THADA: variants seen among roughly 807,000 people sequenced by gnomAD.
The protein encoded by THADA is tRNA (32-2'-O)-methyltransferase regulator THADA.
THADA carries 213 observed loss-of-function variants against 219.8 expected under a neutral mutation model. That is an observed-to-expected ratio of 0.97 (90% CI 0.87 to 1.09). THADA has a LOEUF of 1.09. THADA is among the 50% of genes least tolerant of loss of function. THADA has a pLI of 0.00. For missense variants in THADA, 2,956 were observed against 2,311.3 expected (o/e 1.28, Z -5.72); for synonymous variants, 1,018 against 828.9 (o/e 1.23, Z -3.92).
At chr2:43,472,604 A>T (rs889114246) in intron 26 of THADA, among the ~76,000 whole-genome samples, 9 of 152,232 alleles carry the variant, frequency 5.9e-5, no homozygotes, top group African/African-American at 1.9e-4. Flanking sequence ...AAGGCCAGTG[A>T]CAATGTGTTT....
intron 29 of THADA, chr2:43,370,165 A>C (rs1020760770): frequency 6.6e-6 from 1 of 152,270 alleles, no homozygotes; most frequent in East Asian, 1.9e-4. Context: ...AATGAGGAGA[A>C]TGAGAATGCA....
chr2:43,389,578 A>C (rs1673102296), intron 29 of THADA, among the ~76,000 whole-genome samples: 1 of 152,150 alleles, frequency 6.6e-6, no homozygotes, highest in African/African-American at 2.4e-5. Context: ...ACAGAGCCCA[A>C]ACTGCTTGGC....
intron 30 of THADA, among the ~76,000 whole-genome samples, chr2:43,331,998 G>C (rs1375312687): frequency 1.3e-5 from 2 of 151,068 alleles, no homozygotes; most frequent in Non-Finnish European, 2.9e-5. Flanking sequence ...TTGTGTACTT[G>C]GGCAATGAGA....
Position 43,574,907 on chromosome 2 carries a change from T to G in THADA, c.1158A>C (p.Ser386=), listed in dbSNP as rs769497097. 6.2e-6 allele frequency: 10 copies of G among 1,613,866 alleles called. No individual in the cohort carries two copies. The highest frequency in any genetic ancestry group is 3.3e-5 in the South Asian group (3 of 91,092). ...PSLTDSLNGN[S]SIVGRLLEYV... Reference sequence around the variant, plus strand: ...ATTCCAAAAGTCTCCCAACTATACTTGAATTCCCATTCAGGCTGTCCGTTA... The same window carrying G: ...ATTCCAAAAGTCTCCCAACTATACTGGAATTCCCATTCAGGCTGTCCGTTA... The change falls in exon 11 of 38, where the codon TCA becomes TCC. Residue 386 remains serine, a synonymous_variant. Coordinates refer to ENST00000405975, the MANE Select transcript of THADA (RefSeq NM_022065.5).
intron 25 of THADA, among the ~76,000 whole-genome samples, chr2:43,498,203 G>GA (rs1486627678): frequency 2.6e-5 from 4 of 152,090 alleles, no homozygotes; most frequent in African/African-American, 9.7e-5. Context: ...ACAGAAAGGA[G>GA]AATAGAGGTT....
intron 22 of THADA, among the ~76,000 whole-genome samples, chr2:43,511,434 G>A (rs538597555): frequency 6.6e-6 from 1 of 152,266 alleles, no homozygotes; most frequent in East Asian, 1.9e-4. Context: ...ATCTCACTAT[G>A]CATCACCCTT....
chr2:43,582,848 C>T (rs572061207), intron 7 of THADA, among the ~76,000 whole-genome samples: 4 of 152,184 alleles, frequency 2.6e-5, no homozygotes, highest in South Asian at 2.1e-4. Context: ...AGATTACAGG[C>T]GTGAACAACC....
At chr2:43,427,196 G>C (rs940988195) in intron 28 of THADA, among the ~76,000 whole-genome samples, 2 of 152,172 alleles carry the variant, frequency 1.3e-5, no homozygotes, top group Admixed American at 1.3e-4. Context: ...CTCTTCCAGA[G>C]TGAAGAGGCA....
chr2:43,574,578 T>TAC lies in THADA; in HGVS notation c.1486_1487insGT (p.Asp496GlyfsTer15), dbSNP rs1559002162. The TAC allele has an allele frequency of 1.2e-6, 2 of 1,613,936 alleles. No homozygotes were observed. Among genetic ancestry groups the TAC allele is most frequent in the Non-Finnish European group, 1.7e-6 (2 of 1,179,882 alleles). On this transcript the variant is annotated frameshift_variant, in exon 11 of 38. Transcript: ENST00000405975. LOFTEE classifies it high-confidence loss of function. ...ATTTCTAAACATGGTTTCCAAGAGG[T>TAC]CACTTGCATAAGGTACCAATGACTG...
At chr2:43,337,694 TAC>T (rs139544201) in intron 30 of THADA, among the ~76,000 whole-genome samples, 30,032 of 145,720 alleles carry the variant, frequency 0.21, 3,111 homozygotes, top group African/African-American at 0.25. Flanking sequence ...CACACACTCA[TAC>T]ACACACACAC....
chr2:43,566,830 A>G lies in THADA; in HGVS notation c.2188-9T>C. 6.9e-7 allele frequency: 1 copy of G among 1,441,780 alleles called. No homozygotes were observed. Among genetic ancestry groups the G allele is most frequent in the East Asian group, 2.5e-5 (1 of 39,706 alleles). 89.3% of individuals were successfully genotyped at this position (1,441,780 alleles called of 1,614,324 possible). On this transcript the variant is annotated splice_polypyrimidine_tract_variant and intron_variant, in intron 14 of 37. Coordinates refer to ENST00000405975, the MANE Select transcript of THADA (RefSeq NM_022065.5). Reference sequence around the variant, plus strand: ...ATGGATGACATGAAATTCTTAAAAAAAAAAAAAAAATTACAGTAAGTATAA... The same window carrying G: ...ATGGATGACATGAAATTCTTAAAAAGAAAAAAAAAATTACAGTAAGTATAA...
intron 26 of THADA, among the ~76,000 whole-genome samples, chr2:43,460,297 G>A (rs1683477970): frequency 6.8e-6 from 1 of 146,214 alleles, no homozygotes; most frequent in Non-Finnish European, 1.5e-5. Context: ...TGAGATCTGA[G>A]GAACACTTCC....
intron 16 of THADA, 86 bp downstream of exon 16, chr2:43,560,148 G>T (rs12619605): frequency 1.7e-6 from 2 of 1,182,416 alleles, no homozygotes; most frequent in Non-Finnish European, 2.3e-6. Flanking sequence ...CAGATGCAAA[G>T]CACATGAATA....
At chr2:43,368,196 C>T (rs1004088331) in intron 29 of THADA, among the ~76,000 whole-genome samples, 3 of 152,108 alleles carry the variant, frequency 2.0e-5, no homozygotes, top group Non-Finnish European at 4.4e-5. Context: ...AGTAGGCTTA[C>T]CAGAAAAGAT....
At chr2:43,435,681 G>A (rs1679998090) in intron 26 of THADA, among the ~76,000 whole-genome samples, 1 of 151,370 alleles carries the variant, frequency 6.6e-6, no homozygotes, top group Admixed American at 6.6e-5. Context: ...TACTTAGGAG[G>A]CTGATGCGAC....
At chr2:43,263,117 T>TG (rs1671145986) in intron 36 of THADA, among the ~76,000 whole-genome samples, 1 of 152,182 alleles carries the variant, frequency 6.6e-6, no homozygotes, top group Non-Finnish European at 1.5e-5. Context: ...CTGGACTAAA[T>TG]GTGTCACGTA....
chr2:43,541,078 T>C, intron 21 of THADA, 81 bp downstream of exon 21: 4 of 1,361,202 alleles, frequency 2.9e-6, no homozygotes, highest in Non-Finnish European at 3.9e-6. Flanking sequence ...TTAAACCTTT[T>C]TTTAGAGTTG....
In THADA at chr2:43,235,468, T is replaced by C. The variant is rs549010749; in HGVS notation, c.5297-2586A>G. 2.6e-5 allele frequency among the ~76,000 whole-genome samples: 4 copies of C among 151,986 alleles called. No individual in the cohort carries two copies. The East Asian group carries it at 7.8e-4, about 30-fold the overall frequency. On this transcript the variant is annotated intron_variant, in intron 36 of 37. Transcript: ENST00000405975. ...GCCACCACACCCGGCTAATTTTGTA[T>C]TTTTAGTAGAGACGGGGTTTCTCCA...
intron 29 of THADA, among the ~76,000 whole-genome samples, chr2:43,361,853 T>C (rs1023892410): frequency 2.0e-5 from 3 of 152,248 alleles, no homozygotes; most frequent in Admixed American, 2.0e-4. Flanking sequence ...GAATAAGTTG[T>C]ACCACTCAGT....
Sources: gnomAD v4.1 joint callset for allele counts (sites outside exome capture counted in the v4.1 genomes callset) on GRCh38, gnomAD v4.1.1 for gene constraint, MANE v1.5 for transcripts, NCBI Gene and HGNC (gene_info 2026-07-23, HGNC 2026-07-21) for gene names.